DCAF8L2: variants seen among roughly 807,000 people sequenced by gnomAD.
DCAF8L2 encodes DDB1- and CUL4-associated factor 8-like protein 2.
For missense variants in DCAF8L2, 430 were observed against 490.7 expected, an observed-to-expected ratio of 0.88 and a Z score of 1.17; for synonymous variants, 200 against 190.9, an observed-to-expected ratio of 1.05 and a Z score of -0.39.
intron 2 of DCAF8L2, among the ~76,000 whole-genome samples, chrX:27,635,817 G>T (rs1421734421): frequency 1.2e-5 from 1 of 86,850 alleles, no homozygotes; most frequent in Non-Finnish European, 2.6e-5. Context: ...GTGTGTGTGT[G>T]TGTGTGTGTG....
Position 27,748,375 on chromosome X carries a change from ATCT to A in DCAF8L2, c.1487_1489del (p.Phe496del). The A allele has an allele frequency of 2.5e-6, 3 of 1,204,534 alleles. No homozygotes were observed. The highest frequency in any genetic ancestry group is 1.8e-5 in the South Asian group (1 of 56,052). Reference sequence around the variant, plus strand: ...AGTGAGCGGTAGTGATTGCGGGCACATCTTCTTCTGGGAGAAATCATCCTGCCA... The same window carrying A: ...AGTGAGCGGTAGTGATTGCGGGCACATCTTCTGGGAGAAATCATCCTGCCA... On this transcript the variant is annotated inframe_deletion, in exon 5 of 5. Coordinates refer to ENST00000451261, the MANE Select transcript of DCAF8L2 (RefSeq NM_001353450.2).
chrX:27,707,968 C>A (rs759412288), intron 3 of DCAF8L2, among the ~76,000 whole-genome samples: 2 of 111,187 alleles, frequency 1.8e-5, no homozygotes, highest in Admixed American at 9.6e-5. Context: ...TATGTGTTTT[C>A]TCTGTTTCAC....
At position 27,711,298 on chromosome X, in the gene DCAF8L2, G is replaced by A. The variant is rs1381841073; in HGVS notation, c.-142-4790G>A. Among the ~76,000 whole-genome samples, 4 of 109,851 alleles carry A rather than the reference G, an allele frequency of 3.6e-5. No homozygotes were observed. In the East Asian group the frequency reaches 1.1e-3, roughly 31 times the overall value. On this transcript the variant is annotated intron_variant, in intron 3 of 4. Transcript: ENST00000451261. ...TCTGGCGCATTTCACTTAATATAAT[G>A]TCTTTCAGGTCTTTCTCTGTTGTGG...
chrX:27,562,361 C>G, the DCAF8L2 span, among the ~76,000 whole-genome samples: 9 of 112,358 alleles, frequency 8.0e-5, no homozygotes, highest in African/African-American at 2.6e-4. Flanking sequence ...TAACAGCCAC[C>G]TTGTGCCAAA....
At chrX:27,663,545 A>G (rs199578029) in intron 2 of DCAF8L2, among the ~76,000 whole-genome samples, 2 of 111,224 alleles carry the variant, frequency 1.8e-5, no homozygotes, top group Admixed American at 9.6e-5. Context: ...ACACAACAAT[A>G]TAAGACACCA....
At chrX:27,620,660 C>G (rs907147877) in intron 1 of DCAF8L2, among the ~76,000 whole-genome samples, 2 of 111,823 alleles carry the variant, frequency 1.8e-5, no homozygotes, top group African/African-American at 6.5e-5. Flanking sequence ...AAAACAACAA[C>G]AAGAAGAAAT....
At chrX:27,734,456 G>C (rs1374433186) in intron 4 of DCAF8L2, among the ~76,000 whole-genome samples, 1 of 111,403 alleles carries the variant, frequency 9.0e-6, no homozygotes, top group Admixed American at 9.6e-5. Flanking sequence ...CTCTGTCCAA[G>C]AGTAAAATGT....
At chrX:27,508,244 A>C in the DCAF8L2 span, among the ~76,000 whole-genome samples, 1 of 111,647 alleles carries the variant, frequency 9.0e-6, no homozygotes, top group Non-Finnish European at 1.9e-5. Flanking sequence ...TAAATGTACA[A>C]GTTTAAGGGA....
At chrX:27,628,638 C>T (rs1224642479) in intron 1 of DCAF8L2, among the ~76,000 whole-genome samples, 1 of 106,179 alleles carries the variant, frequency 9.4e-6, no homozygotes, top group African/African-American at 3.5e-5. Flanking sequence ...GAGTCTCGCC[C>T]TGTCGCCCAG....
rs749866387 is a variant in DCAF8L2, at chrX:27,747,740, A to C, written c.845A>C (p.Asn282Thr). The change falls in exon 5 of 5, where the codon AAC (asparagine) becomes ACC (threonine). Residue 282 changes from asparagine (N) to threonine (T), a missense_variant. Asn to Thr is a moderately conservative substitution (Grantham distance 65). Coordinates refer to ENST00000451261, the MANE Select transcript of DCAF8L2 (RefSeq NM_001353450.2). ...NNVFQAKFLP[N>T]CGDSTLAMCA... ...GTCTTCCAGGCCAAGTTCCTTCCTAACTGTGGTGATTCCACTCTGGCCATG... is the reference window on the plus strand; with the variant it reads ...GTCTTCCAGGCCAAGTTCCTTCCTACCTGTGGTGATTCCACTCTGGCCATG... The C allele has an allele frequency of 7.9e-5, 96 of 1,209,647 alleles. No individual in the cohort carries two copies. The highest frequency in any genetic ancestry group is 1.0e-4 in the Non-Finnish European group (91 of 894,831).
chrX:27,520,693 A>T, the DCAF8L2 span, among the ~76,000 whole-genome samples: 169 of 112,256 alleles, frequency 1.5e-3, no homozygotes, highest in African/African-American at 5.0e-3. Context: ...ACAATATCCT[A>T]TCTGTTAAAT....
chrX:27,471,599 C>T, the DCAF8L2 span, among the ~76,000 whole-genome samples: 1 of 111,340 alleles, frequency 9.0e-6, no homozygotes, highest in Non-Finnish European at 1.9e-5. Flanking sequence ...AAAAGCAGTC[C>T]CTCAAAAAAT....
At chrX:27,670,120 G>GT (rs201417914) in intron 2 of DCAF8L2, among the ~76,000 whole-genome samples, 24,419 of 100,099 alleles carry the variant, frequency 0.24, 2,663 homozygotes, top group Middle Eastern at 0.36. Context: ...TTTTTTGTTT[G>GT]TTTTTTTTTT....
chrX:27,494,464 T>G, the DCAF8L2 span, among the ~76,000 whole-genome samples: 16 of 112,201 alleles, frequency 1.4e-4, no homozygotes, highest in African/African-American at 5.2e-4. Flanking sequence ...TTCAATCCTA[T>G]GCACAGTTGA....
chrX:27,596,634 C>T (rs1003455810), intron 1 of DCAF8L2, among the ~76,000 whole-genome samples: 1 of 111,210 alleles, frequency 9.0e-6, no homozygotes, highest in Non-Finnish European at 1.9e-5. Context: ...ATAGAATTAT[C>T]TCTGATAACA....
intron 4 of DCAF8L2, among the ~76,000 whole-genome samples, chrX:27,745,668 A>G (rs1369645529): frequency 9.0e-6 from 1 of 111,689 alleles, no homozygotes; most frequent in Non-Finnish European, 1.9e-5. Flanking sequence ...TTATCTTGCA[A>G]TTATTCTGAG....
chrX:27,582,619 T>C, the DCAF8L2 span, among the ~76,000 whole-genome samples: 1 of 111,596 alleles, frequency 9.0e-6, no homozygotes, highest in Non-Finnish European at 1.9e-5. Flanking sequence ...ATCACATCAG[T>C]GGGGCTCATT....
the DCAF8L2 span, among the ~76,000 whole-genome samples, chrX:27,528,832 T>C: frequency 9.0e-6 from 1 of 111,319 alleles, no homozygotes; most frequent in African/African-American, 3.3e-5. Flanking sequence ...ATTGTGTCAA[T>C]GTATATGCAA....
the DCAF8L2 span, among the ~76,000 whole-genome samples, chrX:27,569,061 C>A: frequency 9.2e-6 from 1 of 109,282 alleles, no homozygotes; most frequent in Non-Finnish European, 1.9e-5. Flanking sequence ...AATTCATTAT[C>A]CATGTATTAA....
Sources: allele counts gnomAD v4.1 joint callset (sites outside exome capture counted in the v4.1 genomes callset), GRCh38; gene constraint gnomAD v4.1.1; transcripts MANE v1.5; gene names NCBI Gene and HGNC (gene_info 2026-07-23, HGNC 2026-07-21).